The following DZIP3 variants were observed in gnomAD, a reference collection of about 807,000 sequenced individuals.
DZIP3 encodes E3 ubiquitin-protein ligase DZIP3.
Under a neutral mutation model 162.0 loss-of-function variants are expected in DZIP3, and 118 were observed. That is an observed-to-expected ratio of 0.73 (90% CI 0.63 to 0.85). The LOEUF (loss-of-function observed/expected upper bound fraction) is 0.85. Among genes scored for constraint, DZIP3 ranks in the 40% least tolerant of loss-of-function variants. The pLI is 0.00. For synonymous variants in DZIP3, 438 were observed against 458.6 expected (o/e 0.96, Z 0.57); for missense variants, 1,331 against 1,407.0 (o/e 0.95, Z 0.86).
intron 27 of DZIP3, among the ~76,000 whole-genome samples, chr3:108,686,117 T>A (rs1378126546): frequency 6.6e-6 from 1 of 152,204 alleles, no homozygotes; most frequent in Non-Finnish European, 1.5e-5. Flanking sequence ...TTGCTGTACA[T>A]GTATGTAATT....
chr3:108,657,914 G>T (rs1396960277), intron 19 of DZIP3, among the ~76,000 whole-genome samples: 1 of 152,140 alleles, frequency 6.6e-6, no homozygotes, highest in Admixed American at 6.5e-5. Flanking sequence ...TAATGGTAAA[G>T]GGATCAATTA....
chr3:108,619,588 A>C (rs1941218684), intron 5 of DZIP3, among the ~76,000 whole-genome samples: 1 of 152,114 alleles, frequency 6.6e-6, no homozygotes, highest in African/African-American at 2.4e-5. Flanking sequence ...TCCAGCAAGC[A>C]GGCCGGAAGC....
intron 2 of DZIP3, among the ~76,000 whole-genome samples, chr3:108,606,814 G>A (rs76741207): frequency 0.019 from 2,896 of 152,232 alleles, 100 homozygotes; most frequent in African/African-American, 0.067. Flanking sequence ...CAGCCCACAT[G>A]GCACTTTTGA....
At chr3:108,594,673 T>A (rs1241168375) in intron 1 of DZIP3, among the ~76,000 whole-genome samples, 1 of 151,980 alleles carries the variant, frequency 6.6e-6, no homozygotes, top group Admixed American at 6.6e-5. Flanking sequence ...TTGCTCCCAT[T>A]TATGAGTAAG....
In DZIP3 at chr3:108,613,383, A is replaced by C. The variant is rs193010456; in HGVS notation, c.258+2054A>C. Reference sequence around the variant, plus strand: ...TGGGAATTTGCCCACTTAAACATTAAAAGTTGTTATGAAGCTCTAATAACT... The same window carrying C: ...TGGGAATTTGCCCACTTAAACATTACAAGTTGTTATGAAGCTCTAATAACT... On this transcript the variant is annotated intron_variant, in intron 4 of 32. Coordinates refer to ENST00000361582, the MANE Select transcript of DZIP3 (RefSeq NM_014648.4). 1.3e-3 allele frequency among the ~76,000 whole-genome samples: 200 copies of C among 152,268 alleles called. 1 individual carries two copies. The highest frequency in any genetic ancestry group is 3.0e-3 in the Admixed American group (46 of 15,294).
intron 26 of DZIP3, among the ~76,000 whole-genome samples, chr3:108,681,634 T>C (rs990778368): frequency 6.6e-6 from 1 of 151,998 alleles, no homozygotes; most frequent in Admixed American, 6.6e-5. Flanking sequence ...TGCACACATA[T>C]GTTTATTGCA....
chr3:108,681,478 G>A (rs929392944), intron 26 of DZIP3, among the ~76,000 whole-genome samples: 4 of 152,096 alleles, frequency 2.6e-5, no homozygotes, highest in Admixed American at 1.3e-4. Context: ...TTACACTGTT[G>A]GTGGGAGTGT....
intron 22 of DZIP3, among the ~76,000 whole-genome samples, 155 bp from the exon 23 acceptor site, chr3:108,672,405 T>C (rs1462689742): frequency 6.6e-6 from 1 of 151,978 alleles, no homozygotes; most frequent in African/African-American, 2.4e-5. Flanking sequence ...CAGTAGGGAT[T>C]GAACAATGTA....
At chr3:108,601,271 G>A (rs1308407554) in intron 1 of DZIP3, among the ~76,000 whole-genome samples, 1 of 152,122 alleles carries the variant, frequency 6.6e-6, no homozygotes, top group Non-Finnish European at 1.5e-5. Context: ...GTGGGTGTGG[G>A]TGTGTGTTGG....
intron 1 of DZIP3, 44 bp from the exon 2 acceptor site, chr3:108,605,291 A>G (rs990101295): frequency 1.5e-6 from 2 of 1,326,324 alleles, no homozygotes; most frequent in Non-Finnish European, 1.1e-6. Context: ...GGGGAGAAAG[A>G]GTGTAACTTT....
chr3:108,680,693 C>T (rs569127361), intron 26 of DZIP3, among the ~76,000 whole-genome samples: 8 of 152,016 alleles, frequency 5.3e-5, no homozygotes, highest in African/African-American at 1.9e-4. Flanking sequence ...CAAGGAAATG[C>T]AAACCAAAAT....
chr3:108,645,544 CT>C (rs1238538212), intron 14 of DZIP3, among the ~76,000 whole-genome samples: 8 of 152,282 alleles, frequency 5.3e-5, no homozygotes, highest in African/African-American at 1.9e-4. Flanking sequence ...ACCTTCTCAG[CT>C]ATTCTTTTGG....
intron 1 of DZIP3, among the ~76,000 whole-genome samples, chr3:108,592,586 C>T (rs1939485914): frequency 6.6e-6 from 1 of 151,678 alleles, no homozygotes; most frequent in Non-Finnish European, 1.5e-5. Context: ...GTCCCAGCTA[C>T]TCAGGAGGCT....
At chr3:108,686,318 A>T (rs1944496179) in intron 27 of DZIP3, 127 bp from the exon 28 acceptor site, 2 of 875,456 alleles carry the variant, frequency 2.3e-6, no homozygotes, top group Admixed American at 2.9e-5. Context: ...AGAAATATTA[A>T]GAGAAAAACT....
At position 108,629,138 on chromosome 3, in the gene DZIP3, G is replaced by A; in HGVS notation, c.658G>A (p.Asp220Asn). ...GDKNDHWFDI[D>N]PTEDEDLPTT... ...CAAAAATGACCATTGGTTTGACATA[G>A]ATCCTACAGAAGATGAAGATTTACC... Residue 220 changes from aspartate (D) to asparagine (N), a missense_variant, in exon 8 of 33, where the codon GAT becomes AAT. Asp to Asn is a conservative substitution (Grantham distance 23, BLOSUM62 1). Transcript: ENST00000361582. 1.3e-6 allele frequency: 2 copies of A among 1,597,810 alleles called. No individual in the cohort carries two copies. The highest frequency in any genetic ancestry group is 1.7e-6 in the Non-Finnish European group (2 of 1,174,978).
intron 5 of DZIP3, among the ~76,000 whole-genome samples, chr3:108,618,437 T>C (rs756351435): frequency 1.3e-5 from 2 of 152,228 alleles, no homozygotes; most frequent in Non-Finnish European, 2.9e-5. Context: ...TTAGCCCTTT[T>C]ACTGTTCATA....
chr3:108,677,660 GA>G (rs1208735247), intron 26 of DZIP3, 62 bp downstream of exon 26: 2 of 1,373,132 alleles, frequency 1.5e-6, no homozygotes, highest in African/African-American at 1.4e-5. Context: ...TAAGGGCTGT[GA>G]AACACTGAAT....
At chr3:108,657,575 C>T in intron 19 of DZIP3, among the ~76,000 whole-genome samples, 1 of 152,172 alleles carries the variant, frequency 6.6e-6, no homozygotes, top group Non-Finnish European at 1.5e-5. Flanking sequence ...GAAGAAACTG[C>T]ATCAACTAAC....
chr3:108,636,852 TA>T, intron 11 of DZIP3, 144 bp downstream of exon 11: 1 of 580,580 alleles, frequency 1.7e-6, no homozygotes, highest in East Asian at 3.4e-5. Flanking sequence ...TGAACCTTTT[TA>T]TTACCATGAT....
Sources: gnomAD v4.1 joint callset for allele counts (sites outside exome capture counted in the v4.1 genomes callset) on GRCh38, gnomAD v4.1.1 for gene constraint, MANE v1.5 for transcripts, NCBI Gene and HGNC (gene_info 2026-07-23, HGNC 2026-07-21) for gene names.